Variants in BCL9 observed in about 807,000 individuals in gnomAD.
BCL9 encodes BCL9 transcription coactivator, also known as B-cell CLL/lymphoma 9 protein.
A neutral mutation model predicts 88.5 loss-of-function variants in BCL9; 25 were observed. The observed-to-expected ratio is 0.28, with a 90% CI of 0.21 to 0.39. The LOEUF is 0.39. Among genes scored for constraint, BCL9 ranks in the 10% least tolerant of loss-of-function variants. The probability of loss-of-function intolerance (pLI) is 1.00; values close to 1 mark genes in which losing one functional copy is unlikely to be tolerated. For missense variants in BCL9, 1,817 were observed against 1,877.8 expected, an observed-to-expected ratio of 0.97 and a Z score of 0.60; for synonymous variants, 711 against 673.3, an observed-to-expected ratio of 1.06 and a Z score of -0.87.
Position 147,625,723 on chromosome 1 carries a change from C to T in BCL9, c.*764C>T, listed in dbSNP as rs1331911494. ...ACATTTTTCTCTTGTTTTCTCTCTC[C>T]GATTTTGCTCTGTCTCCTCAGTTAA... is the stretch of plus-strand genomic sequence containing the variant. On this transcript the variant is annotated 3_prime_UTR_variant, in exon 10 of 10. Transcript: ENST00000234739. 6 of 233,114 alleles carry T rather than the reference C, an allele frequency of 2.6e-5. No homozygotes were observed. The highest frequency in any genetic ancestry group is 5.1e-5 in the Non-Finnish European group (6 of 117,748). 14.4% of individuals were successfully genotyped at this position (233,114 alleles called of 1,614,324 possible).
At chr1:147,580,067 A>G (rs1489937611) in intron 1 of BCL9, among the ~76,000 whole-genome samples, 3 of 152,162 alleles carry the variant, frequency 2.0e-5, no homozygotes, top group African/African-American at 7.2e-5. Flanking sequence ...TAAGCGATGT[A>G]CAACATGTTT....
rs1553205008 is a variant in BCL9, at chr1:147,620,374, C to T, written c.2219C>T (p.Ala740Val). The T allele has an allele frequency of 6.2e-7, 1 of 1,614,196 alleles. No homozygotes were observed. Among genetic ancestry groups the T allele is most frequent in the Non-Finnish European group, 8.5e-7 (1 of 1,180,026 alleles). Residue 740 changes from alanine (A) to valine (V), a missense_variant, in exon 8 of 10, where the codon GCT becomes GTT. By Grantham distance (64) the Ala-to-Val change is moderately conservative. Transcript: ENST00000234739. ...SQMIPQKMRE[A>V]GAGPEEMLKL... ...ATGATACCTCAGAAGATGAGAGAGG[C>T]TGGGGCGGGCCCTGAGGAGATGCTG...
intron 8 of BCL9, 85 bp downstream of exon 8, chr1:147,621,142 G>A: frequency 7.2e-7 from 1 of 1,385,316 alleles, no homozygotes; most frequent in Non-Finnish European, 9.8e-7. Context: ...CTGGTGTCTT[G>A]AGTACACAGA....
chr1:147,590,563 C>T (rs1183019501), intron 1 of BCL9, among the ~76,000 whole-genome samples: 1 of 151,846 alleles, frequency 6.6e-6, no homozygotes, highest in Non-Finnish European at 1.5e-5. Context: ...AAAGAGCATG[C>T]GTGGATATGG....
Position 147,624,693 on chromosome 1 carries a change from T to A in BCL9, c.4015T>A (p.Ser1339Thr). The change falls in exon 10 of 10, where the codon TCT (serine) becomes ACT (threonine). Residue 1339 changes from serine to threonine, a missense_variant. Ser to Thr is a moderately conservative substitution (Grantham distance 58). This residue lies in a region of BCL9 where 589 missense variants were observed against 686.2 expected (regional missense o/e 0.86). Coordinates refer to ENST00000234739, the MANE Select transcript of BCL9 (RefSeq NM_004326.4). This position sits in a 1 kb window ranked among gnomAD's most constrained non-coding sequence, Gnocchi z 4.4. ...PHHRMMSPAQSTMPGQPTLMS... is the reference protein window; with the variant it reads ...PHHRMMSPAQTTMPGQPTLMS... ...CCATCGGATGATGTCACCAGCACAA[T>A]CTACAATGCCCGGCCAGCCCACCCT... The A allele has an allele frequency of 6.2e-7, 1 of 1,613,976 alleles. No homozygotes were observed.
intron 1 of BCL9, among the ~76,000 whole-genome samples, chr1:147,594,184 A>C (rs1474755083): frequency 6.6e-6 from 1 of 152,224 alleles, no homozygotes; most frequent in Non-Finnish European, 1.5e-5. Flanking sequence ...CACTTTTTAA[A>C]GAAAGATCTA....
intron 1 of BCL9, among the ~76,000 whole-genome samples, chr1:147,558,510 T>C (rs1237918351): frequency 6.6e-6 from 1 of 152,136 alleles, no homozygotes; most frequent in Non-Finnish European, 1.5e-5. Flanking sequence ...TAATGCCTGC[T>C]GCCCCCACCA....
intron 1 of BCL9, among the ~76,000 whole-genome samples, chr1:147,565,258 T>C (rs907047806): frequency 2.0e-5 from 3 of 152,242 alleles, no homozygotes; most frequent in Non-Finnish European, 4.4e-5. Context: ...TGAGAAAATG[T>C]AAGCTCAAAG....
intron 1 of BCL9, among the ~76,000 whole-genome samples, chr1:147,598,888 A>G (rs1325085685): frequency 6.6e-6 from 1 of 152,334 alleles, no homozygotes; most frequent in East Asian, 1.9e-4. Context: ...ACACAGATGG[A>G]GCAGAATAGC....
In BCL9 at chr1:147,620,320, T is replaced by C; in HGVS notation, c.2165T>C (p.Leu722Pro). Reference sequence around the variant, plus strand: ...AGTGGGATGAAGGGAGATGTCAATCTAAATGTCAACATGGGATCCAACTCT... The same window carrying C: ...AGTGGGATGAAGGGAGATGTCAATCCAAATGTCAACATGGGATCCAACTCT... ...VPSGMKGDVN[L>P]NVNMGSNSQM... The change falls in exon 8 of 10, where the codon CTA (leucine) becomes CCA (proline). Residue 722 changes from leucine (L) to proline (P), a missense_variant. Coordinates refer to ENST00000234739, the MANE Select transcript of BCL9 (RefSeq NM_004326.4). 1 of 1,614,200 alleles carries C rather than the reference T, an allele frequency of 6.2e-7. No homozygotes were observed. The highest frequency in any genetic ancestry group is 8.5e-7 in the Non-Finnish European group (1 of 1,180,034).
chr1:147,565,957 A>T (rs993788519), intron 1 of BCL9, among the ~76,000 whole-genome samples: 3 of 152,102 alleles, frequency 2.0e-5, no homozygotes, highest in African/African-American at 4.8e-5. Flanking sequence ...AATACTTGCA[A>T]TTCCCATCTT....
chr1:147,625,201 T>TG lies in BCL9; in HGVS notation c.*245dup. The stretch of plus-strand genomic sequence containing the variant: ...TTTTTAAAAATTATTTTTGTGGACT[T>TG]GGGTATCAATGATGGCACCTACTTT... On this transcript the variant is annotated 3_prime_UTR_variant, in exon 10 of 10. Coordinates refer to ENST00000234739, the MANE Select transcript of BCL9 (RefSeq NM_004326.4). 2.2e-6 allele frequency: 1 copy of TG among 461,712 alleles called. No individual in the cohort carries two copies. Among genetic ancestry groups the TG allele is most frequent in the Non-Finnish European group, 3.8e-6 (1 of 265,678 alleles). The allele number at this position is 461,712 out of a possible 1,614,324, so 28.6% of individuals were successfully genotyped here.
intron 1 of BCL9, among the ~76,000 whole-genome samples, chr1:147,603,589 C>T (rs1553201613): frequency 6.6e-6 from 1 of 152,168 alleles, no homozygotes; most frequent in African/African-American, 2.4e-5. Context: ...GCAACCTCCA[C>T]CTCCTGGGTT....
At chr1:147,551,934 T>G (rs1233020594) in intron 1 of BCL9, among the ~76,000 whole-genome samples, 1 of 152,216 alleles carries the variant, frequency 6.6e-6, no homozygotes, top group Non-Finnish European at 1.5e-5. Flanking sequence ...AGGAAGTGAT[T>G]TAACAAATAT....
At chr1:147,560,387 C>A (rs1655320673) in intron 1 of BCL9, among the ~76,000 whole-genome samples, 1 of 151,148 alleles carries the variant, frequency 6.6e-6, no homozygotes, top group South Asian at 2.1e-4. Flanking sequence ...GTCAGGAGTT[C>A]TAGACCAGCC....
At chr1:147,548,785 G>A (rs1654736439) in intron 1 of BCL9, among the ~76,000 whole-genome samples, 1 of 151,950 alleles carries the variant, frequency 6.6e-6, no homozygotes. Flanking sequence ...GTGAGATAGT[G>A]AGACCCTGTC....
At chr1:147,599,719 T>G (rs1280031245) in intron 1 of BCL9, among the ~76,000 whole-genome samples, 1 of 150,430 alleles carries the variant, frequency 6.6e-6, no homozygotes, top group South Asian at 2.1e-4. Flanking sequence ...CTGGCGGGCG[T>G]GCCTATGCAA....
At chr1:147,574,423 C>A (rs1157261931) in intron 1 of BCL9, among the ~76,000 whole-genome samples, 1 of 152,118 alleles carries the variant, frequency 6.6e-6, no homozygotes, top group Non-Finnish European at 1.5e-5. Flanking sequence ...CATTTAGGAC[C>A]AGAATTCCAG....
At chr1:147,568,657 C>T (rs1342556765) in intron 1 of BCL9, among the ~76,000 whole-genome samples, 4 of 152,004 alleles carry the variant, frequency 2.6e-5, no homozygotes, top group African/African-American at 7.2e-5. Flanking sequence ...CAATCTCCTT[C>T]TCTTATCTGC....
Sources: allele counts gnomAD v4.1 joint callset (sites outside exome capture counted in the v4.1 genomes callset), GRCh38; gene constraint gnomAD v4.1.1; regional missense constraint gnomAD v4.1.1; non-coding constraint Gnocchi (gnomAD v3.1); transcripts MANE v1.5; gene names NCBI Gene and HGNC (gene_info 2026-07-23, HGNC 2026-07-21).